The following UNC5D variants were observed in gnomAD, a reference collection of about 807,000 sequenced individuals.
UNC5D encodes unc-5 netrin receptor D.
In UNC5D, 39 loss-of-function variants were observed where a neutral mutation model predicts 105.4. The ratio of observed to expected loss-of-function variants is 0.37; its 90% CI spans 0.29 to 0.48. The LOEUF is 0.48. UNC5D is among the 20% of genes least tolerant of loss of function. The probability of loss-of-function intolerance (pLI) is 0.98; values close to 1 mark genes in which losing one functional copy is unlikely to be tolerated. For synonymous variants in UNC5D, 452 were observed against 450.4 expected, an observed-to-expected ratio of 1.00 and a Z score of -0.04; for missense variants, 991 against 1,202.4, an observed-to-expected ratio of 0.82 and a Z score of 2.60.
chr8:35,744,588 T>TAA (rs986381383), intron 11 of UNC5D, among the ~76,000 whole-genome samples: 1 of 152,194 alleles, frequency 6.6e-6, no homozygotes, highest in Non-Finnish European at 1.5e-5. Context: ...CAATGGGTTA[T>TAA]AATTCTTTAC....
At chr8:35,286,742 C>G (rs1357760824) in intron 1 of UNC5D, among the ~76,000 whole-genome samples, 1 of 152,160 alleles carries the variant, frequency 6.6e-6, no homozygotes, top group East Asian at 1.9e-4. Context: ...TCTACTCTAC[C>G]CTAGACCAGT....
At position 35,595,719 on chromosome 8, in the gene UNC5D, C is replaced by T. The variant is rs536945533; in HGVS notation, c.570+62C>T. 1.5e-3 allele frequency: 2,203 copies of T among 1,480,706 alleles called. 3 individuals are homozygous for T. Among genetic ancestry groups the T allele is most frequent in the Non-Finnish European group, 1.9e-3 (2,011 of 1,063,522 alleles). The allele number at this position is 1,480,706 out of a possible 1,614,324, so 91.7% of individuals were successfully genotyped here. ...CCAGGCCTGTTCCCAAGAGGGAGGGCGGAGTCCTGTGTGGCTGGAAGGGAA... is the reference window on the plus strand; with the variant it reads ...CCAGGCCTGTTCCCAAGAGGGAGGGTGGAGTCCTGTGTGGCTGGAAGGGAA... On this transcript the variant is annotated intron_variant, in intron 4 of 16. Transcript: ENST00000404895.
chr8:35,713,884 G>A (rs1298653240), intron 8 of UNC5D, among the ~76,000 whole-genome samples: 1 of 152,192 alleles, frequency 6.6e-6, no homozygotes, highest in Non-Finnish European at 1.5e-5. Flanking sequence ...TGAGAAGTGG[G>A]TAAACAGCAT....
intron 4 of UNC5D, among the ~76,000 whole-genome samples, chr8:35,658,977 CTGAT>C (rs1823949655): frequency 2.0e-5 from 3 of 152,068 alleles, no homozygotes; most frequent in African/African-American, 4.8e-5. Flanking sequence ...TTTTAAATGT[CTGAT>C]TGCATAGAAA....
chr8:35,260,584 C>G (rs983829464), intron 1 of UNC5D, among the ~76,000 whole-genome samples: 10 of 152,288 alleles, frequency 6.6e-5, no homozygotes, highest in African/African-American at 2.4e-4. Context: ...CAGCCTCAGA[C>G]TCCAGAGTAT....
At chr8:35,724,180 A>G (rs932645300) in intron 9 of UNC5D, 1 of 1,482,250 alleles carries the variant, frequency 6.7e-7, no homozygotes. Context: ...ACTTATGTGT[A>G]TTGTAAATCT....
intron 1 of UNC5D, among the ~76,000 whole-genome samples, chr8:35,375,805 A>G (rs559273613): frequency 7.2e-5 from 11 of 152,350 alleles, no homozygotes; most frequent in Non-Finnish European, 1.2e-4. Context: ...TTTTTGAAAC[A>G]AGGAATTATA....
intron 1 of UNC5D, among the ~76,000 whole-genome samples, chr8:35,423,871 G>C (rs1368343344): frequency 1.0e-5 from 1 of 96,338 alleles, no homozygotes; most frequent in Non-Finnish European, 2.1e-5. Flanking sequence ...TTTTTTTTTT[G>C]AGACAGATTC....
chr8:35,250,216 A>C (rs1012615716), intron 1 of UNC5D, among the ~76,000 whole-genome samples: 1 of 152,112 alleles, frequency 6.6e-6, no homozygotes, highest in Non-Finnish European at 1.5e-5. Context: ...CATTGATCTC[A>C]GAGCACTTAA....
chr8:35,442,052 G>A (rs1807441943), intron 1 of UNC5D, among the ~76,000 whole-genome samples: 1 of 151,884 alleles, frequency 6.6e-6, no homozygotes, highest in African/African-American at 2.4e-5. Context: ...TACAGCTGAT[G>A]TTTCCTTGCA....
At chr8:35,539,424 T>G (rs1278740200) in intron 1 of UNC5D, among the ~76,000 whole-genome samples, 1 of 152,186 alleles carries the variant, frequency 6.6e-6, no homozygotes, top group Non-Finnish European at 1.5e-5. Flanking sequence ...TTCCAAGATT[T>G]TAGAGGGTAA....
At chr8:35,312,839 C>T (rs1809000241) in intron 1 of UNC5D, among the ~76,000 whole-genome samples, 1 of 152,142 alleles carries the variant, frequency 6.6e-6, no homozygotes, top group African/African-American at 2.4e-5. Context: ...ACTAAATAGT[C>T]ACTGTTGTGT....
intron 13 of UNC5D, among the ~76,000 whole-genome samples, chr8:35,757,647 G>C (rs543817505): frequency 2.8e-4 from 42 of 152,210 alleles, no homozygotes; most frequent in Non-Finnish European, 5.0e-4. Flanking sequence ...TTTCCTGGTG[G>C]CGAGGTTGTT....
intron 1 of UNC5D, among the ~76,000 whole-genome samples, chr8:35,507,345 G>A (rs532943620): frequency 9.9e-5 from 15 of 152,102 alleles, no homozygotes; most frequent in South Asian, 6.2e-4. Flanking sequence ...GTGAGCCACC[G>A]CGCCGGCCCA....
intron 3 of UNC5D, among the ~76,000 whole-genome samples, chr8:35,568,776 C>T (rs1473068764): frequency 1.3e-5 from 2 of 152,130 alleles, no homozygotes; most frequent in Non-Finnish European, 2.9e-5. Context: ...CCTAGACAGT[C>T]GGAGTGCAGG....
At chr8:35,361,943 G>T (rs1451840190) in intron 1 of UNC5D, among the ~76,000 whole-genome samples, 3 of 152,014 alleles carry the variant, frequency 2.0e-5, no homozygotes, top group Admixed American at 6.6e-5. Context: ...TTCTGAATTT[G>T]GTTATTTGTC....
At chr8:35,665,292 G>A (rs1008374570) in intron 4 of UNC5D, among the ~76,000 whole-genome samples, 7 of 152,134 alleles carry the variant, frequency 4.6e-5, no homozygotes, top group South Asian at 2.1e-4. Context: ...AGTGTTACCT[G>A]TCACTGTCTG....
chr8:35,722,500 C>G lies in UNC5D; in HGVS notation c.1303+105C>G. On this transcript the variant is annotated intron_variant, in intron 9 of 16. Transcript: ENST00000404895. ...CCCTGTGTGAAGGTAGCTCTTGGCA[C>G]TGGGAGCCGCTACCAAATTGTCTTC... 3.6e-6 allele frequency: 5 copies of G among 1,383,614 alleles called. No homozygotes were observed. The East Asian group carries it at 9.9e-5, about 27-fold the overall frequency. The allele number at this position is 1,383,614 out of a possible 1,614,324, so 85.7% of individuals were successfully genotyped here.
chr8:35,771,415 T>C (rs1196027854), intron 15 of UNC5D, among the ~76,000 whole-genome samples: 2 of 152,132 alleles, frequency 1.3e-5, no homozygotes, highest in African/African-American at 4.8e-5. Flanking sequence ...TTAACTTGTA[T>C]AGAATCAAAA....
Sources: gnomAD v4.1 joint callset for allele counts (sites outside exome capture counted in the v4.1 genomes callset) on GRCh38, gnomAD v4.1.1 for gene constraint, MANE v1.5 for transcripts, NCBI Gene and HGNC (gene_info 2026-07-23, HGNC 2026-07-21) for gene names.